Variants in UPF3B observed in about 807,000 individuals in gnomAD.
UPF3B encodes regulator of nonsense transcripts 3B.
A neutral mutation model predicts 40.3 loss-of-function variants in UPF3B; 7 were observed. The observed-to-expected ratio is 0.17, with a 90% confidence interval of 0.10 to 0.33. The LOEUF (loss-of-function observed/expected upper bound fraction) is 0.33. Among genes scored for constraint, UPF3B ranks in the 10% least tolerant of loss-of-function variants. The pLI is 1.00. For synonymous variants in UPF3B, 117 were observed against 117.3 expected, an observed-to-expected ratio of 1.00 and a Z score of 0.01; for missense variants, 229 against 358.9, an observed-to-expected ratio of 0.64 and a Z score of 2.93.
intron 4 of UPF3B, among the ~76,000 whole-genome samples, chrX:119,843,687 G>A (rs779939446): frequency 1.2e-4 from 13 of 112,482 alleles, no homozygotes; most frequent in Non-Finnish European, 1.9e-4. Flanking sequence ...AATTCCTGGA[G>A]TTCTCTCCTA....
chrX:119,842,677 CAAAA>C (rs1324111617), intron 5 of UPF3B, among the ~76,000 whole-genome samples: 1 of 106,782 alleles, frequency 9.4e-6, no homozygotes, highest in Non-Finnish European at 1.9e-5. Context: ...AACAAACAAA[CAAAA>C]AAACCCCACA....
intron 3 of UPF3B, among the ~76,000 whole-genome samples, chrX:119,850,067 G>T (rs1362163796): frequency 2.0e-5 from 2 of 102,557 alleles, no homozygotes; most frequent in African/African-American, 7.9e-5. Flanking sequence ...AGGTGGGGGG[G>T]GGGAAATCAC....
intron 10 of UPF3B, 111 bp downstream of exon 10, chrX:119,837,646 A>T: frequency 1.4e-5 from 10 of 721,702 alleles, no homozygotes; most frequent in East Asian, 3.3e-5. Context: ...GTTGCAGATG[A>T]TTAAAGTTCC....
intron 3 of UPF3B, among the ~76,000 whole-genome samples, chrX:119,827,451 C>T (rs1405018065): frequency 9.9e-5 from 5 of 50,683 alleles, no homozygotes; most frequent in Non-Finnish European, 1.4e-4. Flanking sequence ...TATATATTTT[C>T]GAGACGGACT....
At chrX:119,805,764 A>T (rs1232899555) in intron 6 of UPF3B, among the ~76,000 whole-genome samples, 1 of 105,759 alleles carries the variant, frequency 9.5e-6, no homozygotes, top group African/African-American at 3.5e-5. Context: ...AGAGAAATGC[A>T]AATCAAAACC....
intron 5 of UPF3B, among the ~76,000 whole-genome samples, chrX:119,811,416 G>T (rs1445998966): frequency 9.0e-6 from 1 of 110,693 alleles, no homozygotes. Context: ...GGAGGCCGAG[G>T]TGGATGAATC....
Position 119,834,360 on chromosome X carries a change from A to G in UPF3B, c.*518T>C. The stretch of plus-strand genomic sequence containing the variant: ...AACTATTTAAATTTTTGTATCAACG[A>G]AAGTGTGTTCTATCCTTCACTGTAC... On this transcript the variant is annotated 3_prime_UTR_variant, in exon 11 of 11. Transcript: ENST00000276201. 1.3e-6 allele frequency: 1 copy of G among 759,108 alleles called. No individual in the cohort carries two copies. Among genetic ancestry groups the G allele is most frequent in the East Asian group, 1.4e-4 (1 of 6,918 alleles). The allele number at this position is 759,108 out of a possible 1,213,427, so 62.6% of individuals were successfully genotyped here.
chrX:119,820,183 G>A (rs1002797460), intron 4 of UPF3B, among the ~76,000 whole-genome samples: 3 of 110,878 alleles, frequency 2.7e-5, no homozygotes, highest in Non-Finnish European at 5.7e-5. Flanking sequence ...TCCCTCTGTC[G>A]CTCAGGCAGG....
At chrX:119,814,810 G>C (rs2055849164) in intron 5 of UPF3B, among the ~76,000 whole-genome samples, 1 of 109,043 alleles carries the variant, frequency 9.2e-6, no homozygotes, top group African/African-American at 3.3e-5. Flanking sequence ...CCTGCTTTGA[G>C]GCAAAACTTA....
chrX:119,811,821 C>G, intron 5 of UPF3B, among the ~76,000 whole-genome samples: 1 of 110,587 alleles, frequency 9.0e-6, no homozygotes, highest in African/African-American at 3.3e-5. Context: ...GCATGGTGGC[C>G]TATGCCTATA....
chrX:119,811,375 G>A (rs1452326203), intron 5 of UPF3B, among the ~76,000 whole-genome samples: 1 of 110,605 alleles, frequency 9.0e-6, no homozygotes, highest in Non-Finnish European at 1.9e-5. Flanking sequence ...GGCCGGGTGC[G>A]GTGGCTCACA....
chrX:119,815,021 A>G (rs1055301021), intron 5 of UPF3B, among the ~76,000 whole-genome samples: 4 of 108,937 alleles, frequency 3.7e-5, no homozygotes, highest in Non-Finnish European at 1.9e-5. Context: ...ACCTGGCACC[A>G]CGCCTGGCTA....
At chrX:119,807,027 T>TAAAAAAA (rs1191950024) in intron 6 of UPF3B, among the ~76,000 whole-genome samples, 1 of 21,419 alleles carries the variant, frequency 4.7e-5, no homozygotes, top group Non-Finnish European at 8.8e-5. Flanking sequence ...AGACCCTGTC[T>TAAAAAAA]AAAAAAAAAA....
intron 1 of UPF3B, among the ~76,000 whole-genome samples, chrX:119,852,129 C>A (rs950300086): frequency 5.4e-5 from 6 of 111,218 alleles, no homozygotes; most frequent in Admixed American, 2.9e-4. Flanking sequence ...AGCAGCCCTG[C>A]AGTTTACCAG....
At chrX:119,815,291 T>C in exon 5 of UPF3B, 1 of 783,054 alleles carries the variant, frequency 1.3e-6, no homozygotes, top group African/African-American at 2.2e-5. Flanking sequence ...ATGGTAACGC[T>C]GCATCCCTGG....
intron 3 of UPF3B, among the ~76,000 whole-genome samples, chrX:119,848,982 C>A (rs1306759264): frequency 3.6e-5 from 4 of 111,581 alleles, no homozygotes; most frequent in African/African-American, 1.3e-4. Flanking sequence ...AGTTATATTT[C>A]AATACAAAAA....
chrX:119,833,962 T>C, downstream of UPF3B: 1 of 715,207 alleles, frequency 1.4e-6, no homozygotes, highest in Non-Finnish European at 1.7e-6. Flanking sequence ...ATGTCAGATG[T>C]CAAAAATTTA....
chrX:119,830,835 T>A (rs761822064), downstream of UPF3B, among the ~76,000 whole-genome samples: 69 of 111,760 alleles, frequency 6.2e-4, 1 homozygote, highest in African/African-American at 2.1e-3. Flanking sequence ...ACATGCTTTT[T>A]GCTTCTACAC....
intron 3 of UPF3B, among the ~76,000 whole-genome samples, chrX:119,826,168 G>A (rs2055976815): frequency 9.5e-6 from 1 of 105,167 alleles, no homozygotes; most frequent in African/African-American, 3.5e-5. Context: ...CTCAAAAAAA[G>A]AAAAGGACCA....
Sources: allele counts gnomAD v4.1 joint callset (sites outside exome capture counted in the v4.1 genomes callset), GRCh38; gene constraint gnomAD v4.1.1; transcripts MANE v1.5; gene names NCBI Gene and HGNC (gene_info 2026-07-23, HGNC 2026-07-21).